TMEM117: variants seen among roughly 807,000 people sequenced by gnomAD.
TMEM117 encodes the protein transmembrane protein 117.
TMEM117 carries 27 observed loss-of-function variants against 52.4 expected under a neutral mutation model. That is an observed-to-expected ratio of 0.51 (90% CI 0.38 to 0.71). The LOEUF is 0.71. Among genes scored for constraint, TMEM117 ranks in the 30% least tolerant of loss-of-function variants. TMEM117 has a pLI of 0.00. For missense variants in TMEM117, 556 were observed against 630.5 expected (o/e 0.88, Z 1.26); for synonymous variants, 215 against 206.3 (o/e 1.04, Z -0.36).
chr12:44,151,802 C>T (rs1450112421), intron 4 of TMEM117, among the ~76,000 whole-genome samples: 5 of 139,906 alleles, frequency 3.6e-5, no homozygotes, highest in African/African-American at 1.1e-4. Flanking sequence ...TCTTGTGGGC[C>T]GAGAACTATT....
intron 3 of TMEM117, among the ~76,000 whole-genome samples, chr12:43,951,663 G>T (rs1945224915): frequency 1.3e-5 from 2 of 152,158 alleles, no homozygotes; most frequent in Admixed American, 6.5e-5. Context: ...GAGCACCTGT[G>T]GGGAGGGGTG....
At chr12:43,802,199 T>C in the TMEM117 span, 1 of 856,672 alleles carries the variant, frequency 1.2e-6, no homozygotes, top group South Asian at 2.5e-5. Flanking sequence ...GAAATAATTA[T>C]TGTTTTTTAA....
intron 3 of TMEM117, among the ~76,000 whole-genome samples, chr12:44,050,299 C>G (rs759061659): frequency 3.9e-5 from 6 of 152,322 alleles, no homozygotes; most frequent in Non-Finnish European, 8.8e-5. Context: ...GCCCCAGCCT[C>G]CCAAGTAGCT....
chr12:44,108,029 A>T (rs1001486230), intron 3 of TMEM117, among the ~76,000 whole-genome samples: 3 of 152,092 alleles, frequency 2.0e-5, no homozygotes, highest in African/African-American at 7.2e-5. Flanking sequence ...CTTATTTTTC[A>T]TTCTGATACT....
At chr12:43,975,917 A>G (rs1161844794) in intron 3 of TMEM117, among the ~76,000 whole-genome samples, 3 of 152,196 alleles carry the variant, frequency 2.0e-5, no homozygotes, top group Admixed American at 6.5e-5. Flanking sequence ...GACCCTCCAC[A>G]GTATCTAGCA....
intron 3 of TMEM117, among the ~76,000 whole-genome samples, chr12:44,100,962 C>G (rs1174346711): frequency 2.6e-5 from 4 of 151,888 alleles, no homozygotes. Flanking sequence ...TTATTTCTCA[C>G]AGTTCTGGAG....
intron 5 of TMEM117, among the ~76,000 whole-genome samples, chr12:44,296,277 G>T (rs908292455): frequency 2.0e-5 from 3 of 152,190 alleles, no homozygotes; most frequent in African/African-American, 7.2e-5. Context: ...TCACTAGGTG[G>T]ATCCTTGGTC....
At chr12:43,948,148 G>A (rs1565764218) in intron 3 of TMEM117, among the ~76,000 whole-genome samples, 1 of 152,058 alleles carries the variant, frequency 6.6e-6, no homozygotes, top group Non-Finnish European at 1.5e-5. Flanking sequence ...CAGTCAGATG[G>A]AGAGGGAAAG....
chr12:43,832,572 A>G (rs1942989029), upstream of TMEM117, among the ~76,000 whole-genome samples: 2 of 152,210 alleles, frequency 1.3e-5, no homozygotes, highest in South Asian at 4.1e-4. Context: ...TTCAGTAGCA[A>G]TTTGTATAAC....
intron 3 of TMEM117, among the ~76,000 whole-genome samples, chr12:44,012,512 C>A (rs1342294652): frequency 6.9e-6 from 1 of 145,262 alleles, no homozygotes; most frequent in Non-Finnish European, 1.5e-5. Context: ...TTCCTCTTTG[C>A]TTTTTAGTTT....
the TMEM117 span, among the ~76,000 whole-genome samples, chr12:43,814,931 G>A: frequency 6.6e-6 from 1 of 151,884 alleles, no homozygotes; most frequent in East Asian, 1.9e-4. Flanking sequence ...TTTTAGTAGA[G>A]ACGGGGTTTC....
chr12:44,170,817 T>C (rs980671283), intron 4 of TMEM117, among the ~76,000 whole-genome samples: 4 of 152,182 alleles, frequency 2.6e-5, no homozygotes, highest in Admixed American at 2.6e-4. Flanking sequence ...CGGAGTACCT[T>C]GTACCCTTCA....
intron 3 of TMEM117, among the ~76,000 whole-genome samples, 160 bp downstream of exon 3, chr12:43,944,502 A>AT (rs557317352): frequency 4.0e-5 from 6 of 149,516 alleles, no homozygotes; most frequent in East Asian, 2.0e-4. Context: ...AGACATTAAC[A>AT]TTTTTTTTTT....
chr12:44,115,199 A>G (rs1948118513), intron 3 of TMEM117, among the ~76,000 whole-genome samples: 1 of 152,206 alleles, frequency 6.6e-6, no homozygotes, highest in African/African-American at 2.4e-5. Context: ...TCAGGAAGCT[A>G]TGACCAACCC....
chr12:44,001,996 T>C (rs1946123667), intron 3 of TMEM117, among the ~76,000 whole-genome samples: 1 of 152,050 alleles, frequency 6.6e-6, no homozygotes. Flanking sequence ...CAAGAAGTGC[T>C]CCTGGAGGAC....
At chr12:44,161,727 G>A (rs1453669339) in intron 4 of TMEM117, among the ~76,000 whole-genome samples, 1 of 152,080 alleles carries the variant, frequency 6.6e-6, no homozygotes, top group Non-Finnish European at 1.5e-5. Flanking sequence ...ATTACCATAT[G>A]ATAATTTTGT....
intron 5 of TMEM117, among the ~76,000 whole-genome samples, chr12:44,234,943 T>G (rs1422093859): frequency 4.6e-5 from 7 of 151,606 alleles, no homozygotes; most frequent in Non-Finnish European, 7.4e-5. Flanking sequence ...GTTTTCTATG[T>G]ATCCATTAGG....
intron 2 of TMEM117, among the ~76,000 whole-genome samples, chr12:43,893,537 T>TAA: frequency 6.6e-6 from 1 of 152,208 alleles, no homozygotes; most frequent in Non-Finnish European, 1.5e-5. Flanking sequence ...CCTAAATCTC[T>TAA]GTCCATTACT....
chr12:44,130,477 T>C (rs1278455120), intron 3 of TMEM117, among the ~76,000 whole-genome samples: 1 of 152,214 alleles, frequency 6.6e-6, no homozygotes, highest in Non-Finnish European at 1.5e-5. Flanking sequence ...AGCTTAGTTT[T>C]GGCTATTTCT....
Sources: allele counts gnomAD v4.1 joint callset (sites outside exome capture counted in the v4.1 genomes callset), GRCh38; gene constraint gnomAD v4.1.1; transcripts MANE v1.5; gene names NCBI Gene and HGNC (gene_info 2026-07-23, HGNC 2026-07-21).